The following PTPRS variants were observed in gnomAD, a reference collection of about 807,000 sequenced individuals.
PTPRS encodes the protein receptor-type tyrosine-protein phosphatase S.
Under a neutral mutation model 215.3 loss-of-function variants are expected in PTPRS, and 63 were observed. The observed-to-expected ratio is 0.29, with a 90% CI of 0.24 to 0.36. The LOEUF is 0.36. Among genes scored for constraint, PTPRS ranks in the 10% least tolerant of loss-of-function variants. The pLI is 1.00. For missense variants in PTPRS, 2,258 were observed against 2,825.8 expected (o/e 0.80, Z 4.56); for synonymous variants, 1,404 against 1,191.4 (o/e 1.18, Z -3.68).
At chr19:5,324,509 G>A (rs1399001837) in intron 1 of PTPRS, among the ~76,000 whole-genome samples, 1 of 152,202 alleles carries the variant, frequency 6.6e-6, no homozygotes, top group Non-Finnish European at 1.5e-5. Flanking sequence ...GGCGGCAGCT[G>A]ATCAGACCAG....
intron 2 of PTPRS, among the ~76,000 whole-genome samples, chr19:5,278,745 G>T (rs1433837830): frequency 2.6e-5 from 4 of 152,050 alleles, no homozygotes; most frequent in Non-Finnish European, 5.9e-5. Flanking sequence ...AAAGTGCTGG[G>T]ATTACAGGCG....
At position 5,237,176 on chromosome 19, in the gene PTPRS, G is replaced by A. The variant is rs1003195548; in HGVS notation, c.1849+1743C>T. Among the ~76,000 whole-genome samples, 25 of 152,172 alleles carry A rather than the reference G, an allele frequency of 1.6e-4. No individual in the cohort carries two copies. Among genetic ancestry groups the A allele is most frequent in the African/African-American group, 6.0e-4 (25 of 41,450 alleles). ...GCAGCCCTGCTCCAGCCCCCAGCGT[G>A]CGCACGCTGAGGTTCCAGGCTGGAG... is the stretch of plus-strand genomic sequence containing the variant. On this transcript the variant is annotated intron_variant, in intron 13 of 37. Transcript: ENST00000262963. The surrounding 1 kb of genome is among the most constrained non-coding windows in gnomAD (Gnocchi z 4.2).
chr19:5,229,470 C>G, intron 15 of PTPRS, 21 bp downstream of exon 15: 2 of 1,399,850 alleles, frequency 1.4e-6, no homozygotes, highest in Non-Finnish European at 1.9e-6. Context: ...GTCCCCGGCC[C>G]CGCCCCGGCC....
chr19:5,220,406 G>A, intron 20 of PTPRS, 53 bp from the exon 21 acceptor site: 2 of 1,466,438 alleles, frequency 1.4e-6, no homozygotes, highest in East Asian at 2.3e-5. Flanking sequence ...ATGACCAAGG[G>A]ATGCTTCATG....
At chr19:5,247,957 C>G (rs1289117393) in intron 9 of PTPRS, among the ~76,000 whole-genome samples, 1 of 151,008 alleles carries the variant, frequency 6.6e-6, no homozygotes, top group Non-Finnish European at 1.5e-5. Context: ...GGGTACTGCT[C>G]CAGGGGAGGA....
intron 2 of PTPRS, among the ~76,000 whole-genome samples, chr19:5,275,412 G>C (rs1405016323): frequency 6.6e-6 from 1 of 150,676 alleles, no homozygotes; most frequent in African/African-American, 2.4e-5. Flanking sequence ...TGAGAGATAG[G>C]GATTCACTCT....
At chr19:5,218,756 G>A (rs767127406) in intron 24 of PTPRS, 31 bp downstream of exon 24, 53 of 1,611,670 alleles carry the variant, frequency 3.3e-5, no homozygotes, top group Admixed American at 1.0e-4. Context: ...CCTCTTGCCT[G>A]AAGCCTCCAC....
At chr19:5,312,521 C>T (rs957756360) in intron 1 of PTPRS, among the ~76,000 whole-genome samples, 2 of 151,884 alleles carry the variant, frequency 1.3e-5, no homozygotes, top group Non-Finnish European at 2.9e-5. Flanking sequence ...ATTAGCCAGG[C>T]GTGGTGGCGC....
intron 5 of PTPRS, among the ~76,000 whole-genome samples, chr19:5,263,942 A>C (rs2046216534): frequency 6.6e-6 from 1 of 152,216 alleles, no homozygotes; most frequent in South Asian, 2.1e-4. Flanking sequence ...CCAGACATGC[A>C]CACGTGGACA....
intron 7 of PTPRS, among the ~76,000 whole-genome samples, chr19:5,259,549 G>GT (rs2146278056): frequency 6.6e-6 from 1 of 152,270 alleles, no homozygotes; most frequent in Admixed American, 6.5e-5. Flanking sequence ...GTTTCCACAC[G>GT]TATGTTTGTA....
At chr19:5,299,907 G>T (rs993564559) in intron 1 of PTPRS, among the ~76,000 whole-genome samples, 2 of 151,372 alleles carry the variant, frequency 1.3e-5, no homozygotes, top group Admixed American at 1.3e-4. Context: ...AAAAGAAAAA[G>T]GACCACTAGC....
chr19:5,282,826 C>T (rs776583466), intron 2 of PTPRS, among the ~76,000 whole-genome samples: 24 of 151,774 alleles, frequency 1.6e-4, no homozygotes, highest in South Asian at 8.3e-4. Flanking sequence ...AGGGACCTGC[C>T]TTTGGTCACA....
At chr19:5,340,050 G>T (rs905310013) in intron 1 of PTPRS, among the ~76,000 whole-genome samples, 1 of 151,854 alleles carries the variant, frequency 6.6e-6, no homozygotes, top group Non-Finnish European at 1.5e-5. Context: ...GTGTTCCAGG[G>T]GAGACGGCGT....
intron 1 of PTPRS, among the ~76,000 whole-genome samples, chr19:5,327,906 T>C (rs4807721): frequency 1.3e-5 from 2 of 152,000 alleles, no homozygotes; most frequent in African/African-American, 2.4e-5. Flanking sequence ...CGGGTACTGG[T>C]TGACTCTTAA....
rs1057316932 is a variant in PTPRS, at chr19:5,237,630, G to A, written c.1849+1289C>T. ...GTCCGTTCAGCCCAGAGTGGCTGGG[G>A]CAGGCGGGGGGGCACGCGGGGTGGG... On this transcript the variant is annotated intron_variant, in intron 13 of 37. Coordinates refer to ENST00000262963, the MANE Select transcript of PTPRS (RefSeq NM_002850.4). This position sits in a 1 kb window ranked among gnomAD's most constrained non-coding sequence, Gnocchi z 4.2. Among the ~76,000 whole-genome samples the A allele has an allele frequency of 1.3e-5, 2 of 152,214 alleles. No individual in the cohort carries two copies. The highest frequency in any genetic ancestry group is 2.9e-5 in the Non-Finnish European group (2 of 68,040).
At chr19:5,309,976 T>G (rs1022533776) in intron 1 of PTPRS, among the ~76,000 whole-genome samples, 1 of 152,066 alleles carries the variant, frequency 6.6e-6, no homozygotes, top group Admixed American at 6.6e-5. Flanking sequence ...CCCACCTCCC[T>G]CAGAGTAAAC....
In PTPRS at chr19:5,223,986, C is replaced by T. The variant is rs1271770224; in HGVS notation, c.2495-689G>A. Reference sequence around the variant, plus strand: ...TTCAGGTCAGGAGTTCGAGACCAGCCTGGCCAACATGGTGAAACCCTGTCT... The same window carrying T: ...TTCAGGTCAGGAGTTCGAGACCAGCTTGGCCAACATGGTGAAACCCTGTCT... On this transcript the variant is annotated intron_variant, in intron 17 of 37. Transcript: ENST00000262963. Among the ~76,000 whole-genome samples, 3 of 151,886 alleles carry T rather than the reference C, an allele frequency of 2.0e-5. No individual in the cohort carries two copies. In the East Asian group the frequency reaches 5.9e-4, roughly 30 times the overall value.
At chr19:5,323,273 T>A (rs1398182410) in intron 1 of PTPRS, among the ~76,000 whole-genome samples, 1 of 152,008 alleles carries the variant, frequency 6.6e-6, no homozygotes, top group Non-Finnish European at 1.5e-5. Context: ...GCAGGAGAAT[T>A]GCTTCAATCC....
intron 9 of PTPRS, among the ~76,000 whole-genome samples, chr19:5,248,750 C>T (rs2044734833): frequency 6.6e-6 from 1 of 152,216 alleles, no homozygotes; most frequent in Admixed American, 6.5e-5. Context: ...TAAACCTCTC[C>T]AGGCAGACGT....
Sources: allele counts gnomAD v4.1 joint callset (sites outside exome capture counted in the v4.1 genomes callset), GRCh38; gene constraint gnomAD v4.1.1; non-coding constraint Gnocchi (gnomAD v3.1); transcripts MANE v1.5; gene names NCBI Gene and HGNC (gene_info 2026-07-23, HGNC 2026-07-21).